AGBL4: variants seen among roughly 807,000 people sequenced by gnomAD.
AGBL4 encodes cytosolic carboxypeptidase 6.
AGBL4 carries 58 observed loss-of-function variants against 66.4 expected under a neutral mutation model. The observed-to-expected ratio is 0.87, with a 90% CI of 0.71 to 1.09. AGBL4 has a LOEUF of 1.09. AGBL4 is among the 50% of genes least tolerant of loss of function. The probability of loss-of-function intolerance (pLI) is 0.00; values close to 1 mark genes in which losing one functional copy is unlikely to be tolerated. For synonymous variants in AGBL4, 234 were observed against 222.9 expected (o/e 1.05, Z -0.44); for missense variants, 579 against 631.0 (o/e 0.92, Z 0.88).
At chr1:49,800,443 C>A (rs925564728) in intron 2 of AGBL4, among the ~76,000 whole-genome samples, 37 of 138,196 alleles carry the variant, frequency 2.7e-4, no homozygotes, top group Non-Finnish European at 4.0e-4. Flanking sequence ...TATACATGTG[C>A]CATGCTGGTG....
chr1:49,739,133 T>C (rs1324152829), intron 2 of AGBL4, among the ~76,000 whole-genome samples: 6 of 152,022 alleles, frequency 3.9e-5, no homozygotes, highest in Non-Finnish European at 8.8e-5. Flanking sequence ...TTCAAACCCA[T>C]GGCAAAGAAG....
chr1:48,724,326 G>A (rs1490191693), intron 6 of AGBL4, among the ~76,000 whole-genome samples: 1 of 152,170 alleles, frequency 6.6e-6, no homozygotes, highest in African/African-American at 2.4e-5. Context: ...TGCTAGAGTT[G>A]GGAACTAAAC....
intron 2 of AGBL4, among the ~76,000 whole-genome samples, chr1:49,837,295 CT>C (rs1482778208): frequency 2.6e-5 from 4 of 152,210 alleles, no homozygotes; most frequent in Non-Finnish European, 4.4e-5. Flanking sequence ...GCTATAGCCA[CT>C]TTGCTGAGCT....
intron 3 of AGBL4, among the ~76,000 whole-genome samples, chr1:49,584,863 T>C (rs910783800): frequency 6.6e-6 from 1 of 152,186 alleles, no homozygotes; most frequent in Non-Finnish European, 1.5e-5. Context: ...ATTCCAAATA[T>C]GAGAACATCA....
chr1:49,800,955 T>C (rs1644847351), intron 2 of AGBL4, among the ~76,000 whole-genome samples: 1 of 147,746 alleles, frequency 6.8e-6, no homozygotes, highest in East Asian at 2.0e-4. Flanking sequence ...ACTTCCACAA[T>C]GGTTGAACTA....
intron 5 of AGBL4, among the ~76,000 whole-genome samples, chr1:48,996,817 C>CCTT (rs1553137069): frequency 2.0e-5 from 3 of 147,756 alleles, no homozygotes; most frequent in Non-Finnish European, 4.5e-5. Context: ...CTTCCTTCCT[C>CCTT]CCTTCCTTCC....
chr1:49,041,208 T>C (rs1643933392), intron 5 of AGBL4, among the ~76,000 whole-genome samples: 1 of 152,108 alleles, frequency 6.6e-6, no homozygotes, highest in Admixed American at 6.6e-5. Flanking sequence ...TGTTTAGCCT[T>C]CCCACTTGTA....
chr1:50,005,194 G>A (rs1661038891), intron 1 of AGBL4, among the ~76,000 whole-genome samples: 1 of 152,072 alleles, frequency 6.6e-6, no homozygotes, highest in Non-Finnish European at 1.5e-5. Context: ...GAGACCCAGG[G>A]ATATGATGGC....
At chr1:49,207,517 TTC>T (rs1491347902) in intron 4 of AGBL4, among the ~76,000 whole-genome samples, 2 of 148,786 alleles carry the variant, frequency 1.3e-5, no homozygotes, top group East Asian at 4.0e-4. Context: ...TTTTCTTTCT[TTC>T]TTTCTCTCTT....
rs1651590652 is a variant in AGBL4, at chr1:49,245,755, C to CTG, written c.377+13_377+14dup. On this transcript the variant is annotated intron_variant, in intron 4 of 13. Coordinates refer to ENST00000371839, the MANE Select transcript of AGBL4 (RefSeq NM_032785.4). ...TTTCTAACCAGGAAGGGGTCCCATT[C>CTG]TGTAGATCACTTACCATTTTGGTCT... 4 of 1,539,816 alleles carry CTG rather than the reference C, an allele frequency of 2.6e-6. No homozygotes were observed. Among genetic ancestry groups the CTG allele is most frequent in the Non-Finnish European group, 3.5e-6 (4 of 1,136,904 alleles).
At chr1:49,274,427 T>C (rs1644124667) in intron 3 of AGBL4, among the ~76,000 whole-genome samples, 1 of 152,130 alleles carries the variant, frequency 6.6e-6, no homozygotes, top group Non-Finnish European at 1.5e-5. Flanking sequence ...TCTAAAATTG[T>C]ATGAGATTAC....
chr1:49,165,958 T>C (rs980455808), intron 4 of AGBL4, among the ~76,000 whole-genome samples: 1 of 151,988 alleles, frequency 6.6e-6, no homozygotes, highest in Non-Finnish European at 1.5e-5. Context: ...ATGCTTCTAG[T>C]AATGAAAAAT....
chr1:48,776,220 A>G (rs1388580872), intron 6 of AGBL4, among the ~76,000 whole-genome samples: 1 of 152,182 alleles, frequency 6.6e-6, no homozygotes, highest in African/African-American at 2.4e-5. Context: ...AAAAGAACAG[A>G]GGGAAGGAAC....
At chr1:49,969,043 T>C (rs1212526932) in intron 1 of AGBL4, among the ~76,000 whole-genome samples, 1 of 152,246 alleles carries the variant, frequency 6.6e-6, no homozygotes, top group Non-Finnish European at 1.5e-5. Flanking sequence ...GCATGACTTG[T>C]CTTTCTAGTA....
chr1:49,021,449 A>T (rs1385409832), intron 5 of AGBL4, among the ~76,000 whole-genome samples: 1 of 152,106 alleles, frequency 6.6e-6, no homozygotes, highest in Non-Finnish European at 1.5e-5. Context: ...AGGTAATGAA[A>T]TCATAAGGGT....
intron 11 of AGBL4, among the ~76,000 whole-genome samples, chr1:48,581,095 T>A (rs1644732936): frequency 6.6e-6 from 1 of 152,204 alleles, no homozygotes; most frequent in Admixed American, 6.5e-5. Flanking sequence ...CTATTGTCTC[T>A]TTACCTTTCT....
At position 49,534,697 on chromosome 1, in the gene AGBL4, T is replaced by C. The variant is rs530580395; in HGVS notation, c.282+162616A>G. 3.4e-4 allele frequency among the ~76,000 whole-genome samples: 52 copies of C among 152,322 alleles called. 2 individuals carry two copies. Among genetic ancestry groups the C allele is most frequent in the Admixed American group, 2.0e-3 (31 of 15,302 alleles). ...GTTTGCAGAGGGAGATCTTCCCAGA[T>C]AGAGGAGGCTCTTGCAAGGGTTTAT... On this transcript the variant is annotated intron_variant, in intron 3 of 13. Transcript: ENST00000371839.
At chr1:49,905,798 C>T (rs1046362480) in intron 1 of AGBL4, among the ~76,000 whole-genome samples, 1 of 151,842 alleles carries the variant, frequency 6.6e-6, no homozygotes, top group Admixed American at 6.6e-5. Context: ...ATTAAGCATA[C>T]CCTCAAAAAT....
intron 5 of AGBL4, among the ~76,000 whole-genome samples, chr1:48,881,261 T>C (rs562852731): frequency 2.0e-5 from 3 of 152,150 alleles, no homozygotes; most frequent in Non-Finnish European, 2.9e-5. Flanking sequence ...ACAACTGAAA[T>C]TTTTTTTGTG....
Sources: allele counts gnomAD v4.1 joint callset (sites outside exome capture counted in the v4.1 genomes callset), GRCh38; gene constraint gnomAD v4.1.1; transcripts MANE v1.5; gene names NCBI Gene and HGNC (gene_info 2026-07-23, HGNC 2026-07-21).